VKORC1L1: variants seen among roughly 807,000 people sequenced by gnomAD.
The protein encoded by VKORC1L1 is vitamin K epoxide reductase complex subunit 1-like protein 1.
VKORC1L1 carries 2 observed loss-of-function variants against 18.9 expected under a neutral mutation model. That is an observed-to-expected ratio of 0.11 (90% CI 0.04 to 0.33). The LOEUF (loss-of-function observed/expected upper bound fraction) is 0.33. Ranked by LOEUF, VKORC1L1 falls within the 10% of genes least tolerant of loss-of-function variation. The pLI is 1.00. For missense variants in VKORC1L1, 123 were observed against 224.1 expected (o/e 0.55, Z 2.88); for synonymous variants, 96 against 100.0 (o/e 0.96, Z 0.24).
intron 1 of VKORC1L1, among the ~76,000 whole-genome samples, chr7:65,915,022 C>G (rs558461372): frequency 6.6e-6 from 1 of 151,954 alleles, no homozygotes; most frequent in African/African-American, 2.4e-5. Flanking sequence ...CAAAAAAACC[C>G]GCAAATACTT....
chr7:65,939,286 T>A (rs183198812), intron 1 of VKORC1L1, among the ~76,000 whole-genome samples: 2 of 152,330 alleles, frequency 1.3e-5, no homozygotes, highest in Admixed American at 1.3e-4. Flanking sequence ...CAGCAAGACA[T>A]GGCTGGTGGC....
At position 65,955,973 on chromosome 7, in the gene VKORC1L1, C is replaced by T. The variant is rs1178641608; in HGVS notation, c.*1673C>T. 6.6e-6 allele frequency: 1 copy of T among 152,124 alleles called. No individual in the cohort carries two copies. The highest frequency in any genetic ancestry group is 1.5e-5 in the Non-Finnish European group (1 of 68,032). 9.4% of individuals were successfully genotyped at this position (152,124 alleles called of 1,614,324 possible). A position where few individuals can be genotyped will look rare whatever the true frequency, so the allele number is the denominator to read the frequency against. ...TTGATGCAACGTAGGTCTTCTGGCC[C>T]GAGGCAGGTATCAAGTCCAAATCAT... On this transcript the variant is annotated 3_prime_UTR_variant, in exon 3 of 3. Coordinates refer to ENST00000360768, the MANE Select transcript of VKORC1L1 (RefSeq NM_173517.6).
At chr7:65,926,142 AATTATT>A (rs58145133) in intron 1 of VKORC1L1, among the ~76,000 whole-genome samples, 33 of 146,604 alleles carry the variant, frequency 2.3e-4, no homozygotes, top group African/African-American at 4.0e-4. Context: ...AATTTTAATG[AATTATT>A]ATTATTATTA....
At chr7:65,943,233 C>G (rs1562655528) in intron 1 of VKORC1L1, among the ~76,000 whole-genome samples, 1 of 148,516 alleles carries the variant, frequency 6.7e-6, no homozygotes, top group Non-Finnish European at 1.5e-5. Context: ...ACCCTCTCTA[C>G]AAAAAAAAAT....
intron 1 of VKORC1L1, among the ~76,000 whole-genome samples, chr7:65,873,856 C>T (rs183132778): frequency 2.0e-5 from 3 of 147,736 alleles, no homozygotes; most frequent in Non-Finnish European, 3.0e-5. Context: ...AGCGGTCGGG[C>T]GGGCTGGGGC....
intron 1 of VKORC1L1, among the ~76,000 whole-genome samples, chr7:65,927,967 G>A (rs539748044): frequency 4.6e-5 from 7 of 152,032 alleles, no homozygotes; most frequent in Admixed American, 1.3e-4. Flanking sequence ...AGGAGGGAGC[G>A]GTGTTGGCTC....
Position 65,873,197 on chromosome 7 carries a change from G to A in VKORC1L1, c.-175G>A. 1 of 830,872 alleles carries A rather than the reference G, an allele frequency of 1.2e-6. No individual in the cohort carries two copies. Among genetic ancestry groups the A allele is most frequent in the Non-Finnish European group, 1.4e-6 (1 of 690,062 alleles). 51.5% of individuals were successfully genotyped at this position (830,872 alleles called of 1,614,324 possible). A position where few individuals can be genotyped will look rare whatever the true frequency, so the allele number is the denominator to read the frequency against. On this transcript the variant is annotated 5_prime_UTR_variant, in exon 1 of 3. In the 5' UTR this introduces an upstream ATG that the reference lacks. Coordinates refer to ENST00000360768, the MANE Select transcript of VKORC1L1 (RefSeq NM_173517.6). Reference sequence around the variant, plus strand: ...TTTGGGGCGGTTGGGCCGCGCGCCTGTGGGGGCGGGGCCCGGAGCAGGCCA... The same window carrying A: ...TTTGGGGCGGTTGGGCCGCGCGCCTATGGGGGCGGGGCCCGGAGCAGGCCA...
At chr7:65,870,155 C>T (rs1409007183), upstream of VKORC1L1, among the ~76,000 whole-genome samples, 3 of 151,268 alleles carry the variant, frequency 2.0e-5, no homozygotes, top group East Asian at 3.9e-4. Context: ...GGGGGCCAGA[C>T]ATGGTGGCTC....
chr7:65,879,473 A>T (rs958595743), intron 1 of VKORC1L1, among the ~76,000 whole-genome samples: 3 of 152,192 alleles, frequency 2.0e-5, no homozygotes, highest in African/African-American at 7.2e-5. Flanking sequence ...AATGTTTTGC[A>T]TACATTATTG....
upstream of VKORC1L1, among the ~76,000 whole-genome samples, chr7:65,871,155 G>A (rs146524072): frequency 7.6e-4 from 115 of 152,154 alleles, no homozygotes; most frequent in African/African-American, 2.6e-3. Context: ...CTGAGCATGG[G>A]CTGGACCTAG....
the VKORC1L1 span, among the ~76,000 whole-genome samples, chr7:65,868,033 G>C: frequency 6.6e-6 from 1 of 152,196 alleles, no homozygotes; most frequent in Non-Finnish European, 1.5e-5. Context: ...TTTTAGTAGA[G>C]ATAGGGTTTC....
At chr7:65,898,991 ATACTT>A (rs960007055) in intron 1 of VKORC1L1, among the ~76,000 whole-genome samples, 19 of 152,352 alleles carry the variant, frequency 1.2e-4, no homozygotes, top group South Asian at 1.0e-3. Context: ...TGACTTTTGA[ATACTT>A]TACTTTGTTT....
chr7:65,876,882 C>CAAAAAA (rs1245701458), intron 1 of VKORC1L1, among the ~76,000 whole-genome samples: 2 of 152,116 alleles, frequency 1.3e-5, no homozygotes, highest in Non-Finnish European at 2.9e-5. Context: ...CGTGTCTTTA[C>CAAAAAA]AAAAAATACA....
intron 1 of VKORC1L1, among the ~76,000 whole-genome samples, chr7:65,877,845 A>G (rs1788854664): frequency 6.6e-6 from 1 of 151,726 alleles, no homozygotes; most frequent in Admixed American, 6.6e-5. Context: ...TGGTTTCAGG[A>G]CCCCTGTTTT....
At chr7:65,949,493 AAAT>A (rs56928132) in intron 2 of VKORC1L1, among the ~76,000 whole-genome samples, 6 of 149,384 alleles carry the variant, frequency 4.0e-5, no homozygotes, top group Non-Finnish European at 7.4e-5. Context: ...AAAAAGAAAT[AAAT>A]AATAATAATA....
At chr7:65,883,766 G>A (rs566230274) in intron 1 of VKORC1L1, among the ~76,000 whole-genome samples, 1 of 151,722 alleles carries the variant, frequency 6.6e-6, no homozygotes, top group African/African-American at 2.4e-5. Flanking sequence ...CCAAAGTGCT[G>A]GGATTACAGG....
At chr7:65,947,805 C>A (rs1247289681) in intron 1 of VKORC1L1, among the ~76,000 whole-genome samples, 2 of 152,010 alleles carry the variant, frequency 1.3e-5, no homozygotes, top group Non-Finnish European at 2.9e-5. Context: ...ATTCTCCTGC[C>A]TTAGTCTCCC....
rs1790272613 is a variant in VKORC1L1, at chr7:65,955,056, G to T, written c.*756G>T. ...ATTGGAACGTTCAAGTCCAGTTTGT[G>T]TTCAGTCATAAAACTGGGCCAGTTG... On this transcript the variant is annotated 3_prime_UTR_variant, in exon 3 of 3. Transcript: ENST00000360768. The T allele has an allele frequency of 6.6e-6, 1 of 152,208 alleles. No individual in the cohort carries two copies. The highest frequency in any genetic ancestry group is 1.9e-4 in the East Asian group (1 of 5,196). The allele number at this position is 152,208 out of a possible 1,614,324, so 9.4% of individuals were successfully genotyped here. A position where few individuals can be genotyped will look rare whatever the true frequency, so the allele number is the denominator to read the frequency against.
chr7:65,893,865 C>T (rs1320766144), intron 1 of VKORC1L1, among the ~76,000 whole-genome samples: 7 of 152,144 alleles, frequency 4.6e-5, no homozygotes, highest in African/African-American at 7.2e-5. Context: ...CTGTGCATTT[C>T]CACATACATT....
Sources: gnomAD v4.1 joint callset for allele counts (sites outside exome capture counted in the v4.1 genomes callset) on GRCh38, gnomAD v4.1.1 for gene constraint, MANE v1.5 for transcripts, NCBI Gene and HGNC (gene_info 2026-07-23, HGNC 2026-07-21) for gene names.